Variants in NCOR1 observed in about 807,000 individuals in gnomAD.
NCOR1 encodes nuclear receptor corepressor 1.
NCOR1 carries 63 observed loss-of-function variants against 288.1 expected under a neutral mutation model. The ratio of observed to expected loss-of-function variants is 0.22; its 90% CI spans 0.18 to 0.27. The LOEUF is 0.27. NCOR1 is among the 10% of genes least tolerant of loss of function. The pLI is 1.00. For missense variants in NCOR1, 2,397 were observed against 3,019.2 expected, an observed-to-expected ratio of 0.79 and a Z score of 4.83; for synonymous variants, 1,007 against 1,065.9, an observed-to-expected ratio of 0.94 and a Z score of 1.08.
At chr17:16,066,576 T>A (rs1022401954) in intron 32 of NCOR1, among the ~76,000 whole-genome samples, 16 of 152,198 alleles carry the variant, frequency 1.1e-4, no homozygotes, top group African/African-American at 3.9e-4. Flanking sequence ...TTGAGTGACC[T>A]ATTTTATATG....
chr17:16,073,953 A>G (rs1598223962), intron 27 of NCOR1, among the ~76,000 whole-genome samples: 1 of 152,356 alleles, frequency 6.6e-6, no homozygotes, highest in Middle Eastern at 3.4e-3. Context: ...AGAGGAAGCA[A>G]TGTGTAAGCT....
intron 42 of NCOR1, chr17:16,044,838 G>T: frequency 9.6e-7 from 1 of 1,039,954 alleles, no homozygotes. Flanking sequence ...CCAGCAGCTG[G>T]TGCTGCACCA....
Position 16,032,172 on chromosome 17 carries a change from G to T in NCOR1, c.*124C>A, listed in dbSNP as rs2151750001. The stretch of plus-strand genomic sequence containing the variant: ...ATCATTTCTTCATCATCTGTGGGCT[G>T]GCTCTCCTGAAAAGTCTCAGGGAAT... On this transcript the variant is annotated 3_prime_UTR_variant, in exon 46 of 46. Transcript: ENST00000268712. The T allele has an allele frequency of 3.2e-6, 3 of 928,148 alleles. No individual in the cohort carries two copies. The highest frequency in any genetic ancestry group is 3.5e-5 in the African/African-American group (2 of 57,314). The allele number at this position is 928,148 out of a possible 1,614,324, so 57.5% of individuals were successfully genotyped here.
intron 21 of NCOR1, among the ~76,000 whole-genome samples, chr17:16,097,803 G>A (rs1039622174): frequency 2.6e-5 from 4 of 152,332 alleles, no homozygotes; most frequent in South Asian, 4.1e-4. Context: ...AGTCAGAAGC[G>A]TGAGTAACCT....
chr17:16,203,730 A>AT (rs1393196530), intron 1 of NCOR1, among the ~76,000 whole-genome samples: 4 of 152,160 alleles, frequency 2.6e-5, no homozygotes, highest in Non-Finnish European at 5.9e-5. Context: ...CATGGGTCTA[A>AT]TTTTTTTAAA....
At chr17:16,058,909 C>T (rs1361890557) in intron 37 of NCOR1, among the ~76,000 whole-genome samples, 2 of 151,670 alleles carry the variant, frequency 1.3e-5, no homozygotes, top group Non-Finnish European at 2.9e-5. Context: ...ATTAGTAGGG[C>T]GTGGTAGCTC....
Position 16,149,466 on chromosome 17 carries a change from A to G in NCOR1, c.894T>C (p.His298=), listed in dbSNP as rs1189290489. ...KLILFFKRRN[H]ARKQREQKIC... is the part of the protein sequence containing the mutation. ...AGGACCTCACCCTTTGTTTTCTTGC[A>G]TGATTTCTTCTTTTAAAAAATAAAA... Residue 298 remains histidine (H), a synonymous_variant, in exon 9 of 46, where the codon CAT becomes CAC. Transcript: ENST00000268712. 2 of 1,564,396 alleles carry G rather than the reference A, an allele frequency of 1.3e-6. No homozygotes were observed. Among genetic ancestry groups the G allele is most frequent in the Non-Finnish European group, 1.7e-6 (2 of 1,147,586 alleles).
intron 45 of NCOR1, 136 bp from the exon 46 acceptor site, chr17:16,032,619 C>G: frequency 1.3e-6 from 1 of 755,184 alleles, no homozygotes; most frequent in South Asian, 2.1e-5. Context: ...ATGAATACAA[C>G]ACGGAATGGC....
chr17:16,153,121 G>A (rs2079131110), intron 7 of NCOR1, among the ~76,000 whole-genome samples: 1 of 152,102 alleles, frequency 6.6e-6, no homozygotes, highest in South Asian at 2.1e-4. Context: ...TTAAATAGCT[G>A]CTCAAGCAAA....
chr17:16,061,409 G>A lies in NCOR1; in HGVS notation c.5873C>T (p.Ser1958Phe). ...CGGATTGAGATACATACAGCTACTA[G>A]AAGAGTCTGAACTTTGAGAGCCACG... The part of the protein sequence containing the change: ...RERGSQSSDS[S>F]SSLSSHRYET... The change falls in exon 37 of 46, where the codon TCT (serine) becomes TTT (phenylalanine). Residue 1958 changes from serine (S) to phenylalanine (F), a missense_variant. Physicochemically the swap from Ser to Phe is radical, Grantham distance 155. Transcript: ENST00000268712. The A allele has an allele frequency of 6.2e-7, 1 of 1,613,946 alleles. No homozygotes were observed. Among genetic ancestry groups the A allele is most frequent in the Non-Finnish European group, 8.5e-7 (1 of 1,179,880 alleles).
At chr17:16,099,799 C>A (rs77991669) in intron 20 of NCOR1, among the ~76,000 whole-genome samples, 1,790 of 152,188 alleles carry the variant, frequency 0.012, 37 homozygotes, top group African/African-American at 0.041. Context: ...GAGTGATAGT[C>A]AAATTTTCTG....
Position 16,073,560 on chromosome 17 carries a change from T to G in NCOR1, c.3680A>C (p.Asn1227Thr). The change falls in exon 28 of 46, where the codon AAT (asparagine) becomes ACT (threonine). Residue 1227 changes from asparagine (N) to threonine (T), a missense_variant. Transcript: ENST00000268712. ...GHILSYDNIK[N>T]AREGTRSPRT... is the part of the protein sequence containing the mutation. The stretch of plus-strand genomic sequence containing the variant: ...TGGACTCCTAGTCCCTTCTCGGGCA[T>G]TCTTAATATCTACAGAATACACAAA... The G allele has an allele frequency of 6.2e-7, 1 of 1,606,480 alleles. No individual in the cohort carries two copies. Among genetic ancestry groups the G allele is most frequent in the Non-Finnish European group, 8.5e-7 (1 of 1,176,752 alleles).
At position 16,032,397 on chromosome 17, in the gene NCOR1, C is replaced by G; in HGVS notation, c.7222G>C (p.Val2408Leu). ...PTPIACAPSA[V>L]NQAAPHQQNR... Reference sequence around the variant, plus strand: ...TGTTGGTGAGGAGCTGCTTGGTTCACCGCAGAGGGAGCACATGCAATCGGT... The same window carrying G: ...TGTTGGTGAGGAGCTGCTTGGTTCAGCGCAGAGGGAGCACATGCAATCGGT... Residue 2408 changes from valine to leucine, a missense_variant, in exon 46 of 46, where the codon GTG (valine) becomes CTG (leucine). Transcript: ENST00000268712. 1 of 1,614,140 alleles carries G rather than the reference C, an allele frequency of 6.2e-7. No individual in the cohort carries two copies.
At chr17:16,157,109 G>A (rs1192565556) in intron 6 of NCOR1, among the ~76,000 whole-genome samples, 2 of 151,814 alleles carry the variant, frequency 1.3e-5, no homozygotes, top group Non-Finnish European at 2.9e-5. Context: ...GTGTTTTGCA[G>A]CTATGCAGAG....
At chr17:16,160,618 C>A (rs1261356959) in intron 5 of NCOR1, among the ~76,000 whole-genome samples, 1 of 152,142 alleles carries the variant, frequency 6.6e-6, no homozygotes, top group Admixed American at 6.5e-5. Context: ...TGGTGAAATT[C>A]CTGCTTTATT....
In NCOR1 at chr17:16,164,994, T is replaced by C. The variant is rs2081731757; in HGVS notation, c.603A>G (p.Lys201=). 6.3e-7 allele frequency: 1 copy of C among 1,588,066 alleles called. No homozygotes were observed. Among genetic ancestry groups the C allele is most frequent in the Non-Finnish European group, 8.5e-7 (1 of 1,169,670 alleles). The stretch of plus-strand genomic sequence containing the variant: ...AGACATTTACTTGTTTCTTTTTCAG[T>C]TTAAGGATCTGCTGTTCTACTTTTG... ...EIAKVEQQIL[K]LKKKQQQLEE... is the part of the protein sequence containing the mutation. Residue 201 remains lysine, a synonymous_variant, in exon 5 of 46, where the codon AAA becomes AAG. Transcript: ENST00000268712.
chr17:16,114,584 T>C (rs917093019), intron 18 of NCOR1, among the ~76,000 whole-genome samples: 1 of 152,166 alleles, frequency 6.6e-6, no homozygotes, highest in African/African-American at 2.4e-5. Context: ...ATTGGGTAAA[T>C]ACAGCTGTTC....
intron 31 of NCOR1, among the ~76,000 whole-genome samples, chr17:16,069,383 G>A (rs796300595): frequency 5.3e-5 from 8 of 152,098 alleles, no homozygotes; most frequent in East Asian, 1.9e-4. Flanking sequence ...CCTCACACCC[G>A]CCAAAACACA....
intron 21 of NCOR1, 52 bp downstream of exon 21, chr17:16,098,315 T>C (rs901037103): frequency 6.4e-7 from 1 of 1,570,008 alleles, no homozygotes; most frequent in Non-Finnish European, 8.7e-7. Flanking sequence ...AATATGTCTA[T>C]AAAGGTCTCA....
Sources: gnomAD v4.1 joint callset for allele counts (sites outside exome capture counted in the v4.1 genomes callset) on GRCh38, gnomAD v4.1.1 for gene constraint, MANE v1.5 for transcripts, NCBI Gene and HGNC (gene_info 2026-07-23, HGNC 2026-07-21) for gene names.